PAN3: variants seen among roughly 807,000 people sequenced by gnomAD.
PAN3 encodes PAN2-PAN3 deadenylation complex subunit PAN3.
A neutral mutation model predicts 96.2 loss-of-function variants in PAN3; 19 were observed. That is an observed-to-expected ratio of 0.20 (90% CI 0.14 to 0.29). The LOEUF is 0.29. Among genes scored for constraint, PAN3 ranks in the 10% least tolerant of loss-of-function variants. PAN3 has a pLI of 1.00. For missense variants in PAN3, 882 were observed against 1,108.1 expected (o/e 0.80, Z 2.90); for synonymous variants, 433 against 406.6 (o/e 1.06, Z -0.78).
In PAN3 at chr13:28,215,548, TGAACCATTCAGGCTAAATCA is replaced by T. The variant is rs534052684; in HGVS notation, c.853-4681_853-4662del. 5.1e-4 allele frequency: 357 copies of T among 701,398 alleles called. No homozygotes were observed. In the East Asian group the frequency reaches 8.0e-3, roughly 16 times the overall value. 43.4% of individuals were successfully genotyped at this position (701,398 alleles called of 1,614,324 possible). On this transcript the variant is annotated intron_variant, in intron 5 of 18. Transcript: ENST00000380958. Reference sequence around the variant, plus strand: ...TGGCCTCACTGCTCAGTGATTATTCTGAACCATTCAGGCTAAATCAGTGCTGTCTATGCCCTTGTACTGAA... The same window carrying T: ...TGGCCTCACTGCTCAGTGATTATTCTGTGCTGTCTATGCCCTTGTACTGAA...
intron 4 of PAN3, among the ~76,000 whole-genome samples, chr13:28,196,565 T>C (rs779078452): frequency 2.6e-5 from 4 of 151,996 alleles, no homozygotes; most frequent in South Asian, 2.1e-4. Flanking sequence ...TGTTTTTTAG[T>C]CTGAGGTTTT....
chr13:28,171,340 A>C (rs1222304125), intron 1 of PAN3, among the ~76,000 whole-genome samples: 2 of 152,148 alleles, frequency 1.3e-5, no homozygotes, highest in African/African-American at 2.4e-5. Context: ...CACACCAGCC[A>C]ATTCTCCAAT....
In PAN3 at chr13:28,292,323, GTAGA is replaced by G. The variant is rs45465595; in HGVS notation, c.2524-56_2524-53del. ...TATTTTATTTATTTTTGCTGCAAAC[GTAGA>G]TAAATTCTTTTCTGCATGTTATGAA... On this transcript the variant is annotated intron_variant, in intron 18 of 18. Coordinates refer to ENST00000380958, the MANE Select transcript of PAN3 (RefSeq NM_175854.8). 4.2e-3 allele frequency: 6,140 copies of G among 1,460,596 alleles called. 192 individuals are homozygous for G. In the African/African-American group the frequency reaches 0.069, roughly 16 times the overall value. The allele number at this position is 1,460,596 out of a possible 1,614,324, so 90.5% of individuals were successfully genotyped here. A position where few individuals can be genotyped will look rare whatever the true frequency, so the allele number is the denominator to read the frequency against.
chr13:28,269,249 T>G (rs1203294034), intron 12 of PAN3, among the ~76,000 whole-genome samples: 3 of 152,172 alleles, frequency 2.0e-5, no homozygotes, highest in Non-Finnish European at 4.4e-5. Flanking sequence ...GAACCACTCT[T>G]TTATAGCATT....
chr13:28,267,480 C>T (rs1886279643), intron 12 of PAN3, 79 bp downstream of exon 12: 3 of 1,165,668 alleles, frequency 2.6e-6, no homozygotes, highest in Non-Finnish European at 3.7e-6. Flanking sequence ...TTTTAAAATA[C>T]GTATAATTTT....
intron 4 of PAN3, among the ~76,000 whole-genome samples, chr13:28,190,380 T>TTATA (rs1488713280): frequency 1.3e-5 from 2 of 151,854 alleles, no homozygotes; most frequent in Non-Finnish European, 2.9e-5. Flanking sequence ...ATAGCTGGAA[T>TTATA]TATAGGCACA....
At chr13:28,179,281 A>G (rs143774771) in intron 4 of PAN3, among the ~76,000 whole-genome samples, 120 of 152,386 alleles carry the variant, frequency 7.9e-4, no homozygotes, top group African/African-American at 2.6e-3. Flanking sequence ...GACAAAGCCT[A>G]ACAATGTGGA....
At chr13:28,190,459 A>G (rs541567101) in intron 4 of PAN3, among the ~76,000 whole-genome samples, 12 of 151,622 alleles carry the variant, frequency 7.9e-5, no homozygotes, top group African/African-American at 2.4e-4. Flanking sequence ...GGTTCTCACT[A>G]TGTTGCCCAG....
At chr13:28,162,383 T>C (rs1012439430) in intron 1 of PAN3, among the ~76,000 whole-genome samples, 1 of 152,078 alleles carries the variant, frequency 6.6e-6, no homozygotes, top group African/African-American at 2.4e-5. Flanking sequence ...AGTTTCCTCA[T>C]TGGAAAAGTG....
intron 1 of PAN3, among the ~76,000 whole-genome samples, chr13:28,170,686 G>T (rs961254797): frequency 2.6e-5 from 4 of 152,066 alleles, no homozygotes; most frequent in Non-Finnish European, 4.4e-5. Context: ...AGGAATGGAG[G>T]AACCTCTCCC....
chr13:28,216,558 A>G (rs1880795443), intron 5 of PAN3, among the ~76,000 whole-genome samples: 1 of 152,228 alleles, frequency 6.6e-6, no homozygotes, highest in Non-Finnish European at 1.5e-5. Flanking sequence ...TGGAAAGATT[A>G]CTGATACCAA....
At chr13:28,268,518 C>T (rs750273205) in intron 12 of PAN3, among the ~76,000 whole-genome samples, 1 of 152,044 alleles carries the variant, frequency 6.6e-6, no homozygotes, top group Non-Finnish European at 1.5e-5. Flanking sequence ...TGCAAACAAC[C>T]AGAATACTTG....
At chr13:28,244,903 C>T (rs1884030378) in intron 6 of PAN3, among the ~76,000 whole-genome samples, 2 of 152,020 alleles carry the variant, frequency 1.3e-5, no homozygotes. Flanking sequence ...GGCTGGAGTG[C>T]AGTGGCGCGA....
chr13:28,174,416 T>A (rs1239418372), intron 2 of PAN3, 23 bp downstream of exon 2: 1 of 1,608,902 alleles, frequency 6.2e-7, no homozygotes, highest in East Asian at 2.2e-5. Flanking sequence ...TAAATTCATA[T>A]TGCACTATGA....
At chr13:28,271,161 A>G (rs1392507115) in intron 13 of PAN3, among the ~76,000 whole-genome samples, 2 of 152,228 alleles carry the variant, frequency 1.3e-5, no homozygotes. Context: ...CATGGTTCAC[A>G]AATTCTAGCA....
chr13:28,261,532 A>T, intron 9 of PAN3, 74 bp downstream of exon 9: 2 of 1,373,528 alleles, frequency 1.5e-6, no homozygotes, highest in Non-Finnish European at 2.0e-6. Context: ...TGTTTTATGC[A>T]TTATTAAGAA....
intron 15 of PAN3, 52 bp from the exon 16 acceptor site, chr13:28,280,360 T>G (rs1887368606): frequency 3.2e-6 from 5 of 1,554,674 alleles, no homozygotes; most frequent in Middle Eastern, 3.4e-4. Flanking sequence ...GTTATCTTGT[T>G]TTTTAAATTG....
chr13:28,223,549 GTT>G (rs60440243), intron 6 of PAN3, among the ~76,000 whole-genome samples: 1 of 145,264 alleles, frequency 6.9e-6, no homozygotes. Context: ...AAGAACCACT[GTT>G]TTTTTTTTTG....
intron 2 of PAN3, among the ~76,000 whole-genome samples, chr13:28,175,129 C>A (rs1241971881): frequency 6.6e-6 from 1 of 152,078 alleles, no homozygotes; most frequent in Non-Finnish European, 1.5e-5. Context: ...GGAAAACTGC[C>A]ATAATAGTAA....
Sources: allele counts gnomAD v4.1 joint callset (sites outside exome capture counted in the v4.1 genomes callset), GRCh38; gene constraint gnomAD v4.1.1; transcripts MANE v1.5; gene names NCBI Gene and HGNC (gene_info 2026-07-23, HGNC 2026-07-21).